Variants in AVEN observed in about 807,000 individuals in gnomAD.
AVEN encodes the protein apoptosis and caspase activation inhibitor.
Under a neutral mutation model 38.1 loss-of-function variants are expected in AVEN, and 41 were observed. The observed-to-expected ratio is 1.08, with a 90% CI of 0.84 to 1.40. The LOEUF is 1.40. Ranked by LOEUF, AVEN falls within the 40% of genes most tolerant of loss-of-function variation. The pLI is 0.00. For synonymous variants in AVEN, 206 were observed against 171.8 expected, an observed-to-expected ratio of 1.20 and a Z score of -1.56; for missense variants, 605 against 438.8, an observed-to-expected ratio of 1.38 and a Z score of -3.38.
chr15:33,911,443 C>T (rs1665604574), intron 2 of AVEN, among the ~76,000 whole-genome samples: 2 of 152,186 alleles, frequency 1.3e-5, no homozygotes, highest in South Asian at 4.1e-4. Context: ...ACTTTACATA[C>T]CCTGTTCACA....
the AVEN span, chr15:33,853,023 C>T: frequency 1.9e-5 from 30 of 1,597,062 alleles, no homozygotes; most frequent in African/African-American, 3.6e-4. Flanking sequence ...GAAGAACCAA[C>T]CTTTTTCGTT....
At chr15:33,937,130 CAAAAA>C (rs11284986) in intron 2 of AVEN, among the ~76,000 whole-genome samples, 2 of 106,292 alleles carry the variant, frequency 1.9e-5, no homozygotes. Context: ...GACTTCAACT[CAAAAA>C]AAAAAAAAAA....
chr15:33,901,100 A>C (rs1042012880), intron 2 of AVEN, among the ~76,000 whole-genome samples: 1 of 152,318 alleles, frequency 6.6e-6, no homozygotes, highest in Middle Eastern at 3.4e-3. Context: ...CCCCGTCTCT[A>C]CTAAAAATAC....
chr15:33,996,566 C>T (rs921503337), intron 2 of AVEN, among the ~76,000 whole-genome samples: 23 of 152,332 alleles, frequency 1.5e-4, no homozygotes, highest in African/African-American at 4.8e-4. Flanking sequence ...GCAAACAGGG[C>T]CTGGAGTGGA....
chr15:33,865,678 A>ATGGTACTTGCTAG (rs1890270813), downstream of AVEN: 3 of 155,858 alleles, frequency 1.9e-5, no homozygotes, highest in African/African-American at 7.3e-5. Context: ...AATTTTTCCC[A>ATGGTACTTGCTAG]TGGTACTTGC....
exon 12 of AVEN, chr15:33,859,090 C>G (rs1005272973): frequency 4.5e-5 from 7 of 154,466 alleles, no homozygotes; most frequent in African/African-American, 1.7e-4. Context: ...TAGATTGGCT[C>G]AAACCTGCAG....
chr15:33,920,854 G>C (rs901910696), intron 2 of AVEN, among the ~76,000 whole-genome samples: 1 of 152,034 alleles, frequency 6.6e-6, no homozygotes, highest in African/African-American at 2.4e-5. Flanking sequence ...GCTGACTGCA[G>C]CTTCTGCCTC....
intron 2 of AVEN, among the ~76,000 whole-genome samples, chr15:33,939,571 G>C (rs1346148860): frequency 6.6e-6 from 1 of 152,184 alleles, no homozygotes; most frequent in East Asian, 1.9e-4. Flanking sequence ...TACGAACCAG[G>C]AGATCTGGAT....
downstream of AVEN, among the ~76,000 whole-genome samples, chr15:33,857,445 C>G (rs2079808467): frequency 3.3e-5 from 5 of 152,054 alleles, no homozygotes; most frequent in Admixed American, 1.3e-4. Flanking sequence ...ACTTACTCAC[C>G]TCTTTGAAGG....
At chr15:33,969,223 A>G (rs1895522172) in intron 2 of AVEN, 1 of 152,046 alleles carries the variant, frequency 6.6e-6, no homozygotes, top group African/African-American at 2.4e-5. Context: ...TGTGAATGAG[A>G]TAGTGGATTT....
intron 3 of AVEN, 131 bp downstream of exon 3, chr15:33,875,794 G>A (rs1260976567): frequency 3.6e-6 from 3 of 840,514 alleles, no homozygotes; most frequent in Non-Finnish European, 5.3e-6. Flanking sequence ...TTTCTGAAAA[G>A]TTTAGCTGAG....
intron 2 of AVEN, among the ~76,000 whole-genome samples, chr15:33,969,988 CCCAA>C (rs1895562161): frequency 6.6e-6 from 1 of 151,916 alleles, no homozygotes; most frequent in Admixed American, 6.6e-5. Flanking sequence ...TAGCAGAAAT[CCCAA>C]CCACATTGGT....
chr15:33,978,205 G>T (rs1329601370), intron 2 of AVEN, among the ~76,000 whole-genome samples: 1 of 152,154 alleles, frequency 6.6e-6, no homozygotes, highest in South Asian at 2.1e-4. Flanking sequence ...CAGACTGGCC[G>T]TTCTGAACAA....
At chr15:34,058,233 G>A (rs923554283) in intron 5 of AVEN, among the ~76,000 whole-genome samples, 2 of 152,008 alleles carry the variant, frequency 1.3e-5, no homozygotes, top group East Asian at 1.9e-4. Flanking sequence ...AAATACCTTC[G>A]CAGCAATATC....
At chr15:33,935,492 ATATATG>A (rs986526341) in intron 2 of AVEN, among the ~76,000 whole-genome samples, 2 of 151,496 alleles carry the variant, frequency 1.3e-5, no homozygotes, top group Non-Finnish European at 2.9e-5. Flanking sequence ...ATATGTGTAT[ATATATG>A]TATATATGTG....
At chr15:33,891,098 G>C (rs1006665397) in intron 2 of AVEN, among the ~76,000 whole-genome samples, 2 of 151,406 alleles carry the variant, frequency 1.3e-5, no homozygotes, top group African/African-American at 2.4e-5. Flanking sequence ...GTGAGACTCT[G>C]TCTGGAAAAA....
intron 4 of AVEN, among the ~76,000 whole-genome samples, chr15:33,870,115 A>G (rs1017538020): frequency 2.0e-5 from 3 of 151,912 alleles, no homozygotes; most frequent in African/African-American, 4.8e-5. Context: ...CTCTCTCCCA[A>G]TTTCCAATAT....
chr15:33,866,816 C>T (rs1890576351), intron 5 of AVEN, 88 bp from the exon 6 acceptor site: 2 of 879,900 alleles, frequency 2.3e-6, no homozygotes, highest in Admixed American at 4.5e-5. Context: ...TTCCTTACAA[C>T]AAGGGGAAAC....
At chr15:33,948,933 A>C (rs978572370) in intron 2 of AVEN, among the ~76,000 whole-genome samples, 1 of 152,128 alleles carries the variant, frequency 6.6e-6, no homozygotes, top group Non-Finnish European at 1.5e-5. Flanking sequence ...TTGGCCTCCC[A>C]AAGTGCTGGG....
Sources: allele counts gnomAD v4.1 joint callset (sites outside exome capture counted in the v4.1 genomes callset), GRCh38; gene constraint gnomAD v4.1.1; transcripts MANE v1.5; gene names NCBI Gene and HGNC (gene_info 2026-07-23, HGNC 2026-07-21).